Variants in CD58 observed in about 807,000 individuals in gnomAD.
CD58 encodes lymphocyte function-associated antigen 3.
In CD58, 14 loss-of-function variants were observed where a neutral mutation model predicts 27.6. The ratio of observed to expected loss-of-function variants is 0.51; its 90% CI spans 0.34 to 0.79. The LOEUF (loss-of-function observed/expected upper bound fraction) is 0.79. Among genes scored for constraint, CD58 ranks in the 30% least tolerant of loss-of-function variants. The probability of loss-of-function intolerance (pLI) is 0.02; values close to 1 mark genes in which losing one functional copy is unlikely to be tolerated. For missense variants in CD58, 268 were observed against 301.7 expected (o/e 0.89, Z 0.83); for synonymous variants, 117 against 103.8 (o/e 1.13, Z -0.77).
Position 116,534,810 on chromosome 1 carries a change from T to C in CD58, c.628+1155A>G, listed in dbSNP as rs1190289497. On this transcript the variant is annotated intron_variant, in intron 3 of 5. Coordinates refer to ENST00000369489, the MANE Select transcript of CD58 (RefSeq NM_001779.3). This position sits in a 1 kb window ranked among gnomAD's most constrained non-coding sequence, Gnocchi z 5.3. ...AAGACAATAAATGGGAGACTTAGAA[T>C]GGCTCACCAGTTAAAATCCAAGTTT... is the stretch of plus-strand genomic sequence containing the variant. Among the ~76,000 whole-genome samples the C allele has an allele frequency of 6.6e-6, 1 of 152,262 alleles. No individual in the cohort carries two copies. Among genetic ancestry groups the C allele is most frequent in the Non-Finnish European group, 1.5e-5 (1 of 68,038 alleles).
intron 2 of CD58, among the ~76,000 whole-genome samples, chr1:116,539,995 C>T (rs181934658): frequency 4.6e-5 from 7 of 152,210 alleles, no homozygotes; most frequent in Admixed American, 6.5e-5. Context: ...TATATTTTCA[C>T]GAATTTTAGT....
At chr1:116,569,742 T>C (rs75652920) in intron 1 of CD58, among the ~76,000 whole-genome samples, 2 of 151,712 alleles carry the variant, frequency 1.3e-5, no homozygotes, top group African/African-American at 4.8e-5. Flanking sequence ...GCTGGGACTA[T>C]AGGTATGCGC....
In CD58 at chr1:116,534,225, A is replaced by C; in HGVS notation, c.628+1740T>G. On this transcript the variant is annotated intron_variant, in intron 3 of 5. Transcript: ENST00000369489. This position sits in a 1 kb window ranked among gnomAD's most constrained non-coding sequence, Gnocchi z 5.3. ...GCACAGCTCCCAACAGCTGAGATGC[A>C]ATGCCAAGGACTTTCTTCCCCATCA... is the stretch of plus-strand genomic sequence containing the variant. 1 of 522,800 alleles carries C rather than the reference A, an allele frequency of 1.9e-6. No homozygotes were observed. The highest frequency in any genetic ancestry group is 3.4e-6 in the Non-Finnish European group (1 of 290,910). 32.4% of individuals were successfully genotyped at this position (522,800 alleles called of 1,614,324 possible).
intron 1 of CD58, among the ~76,000 whole-genome samples, chr1:116,547,662 A>G (rs1658235335): frequency 6.6e-6 from 1 of 152,152 alleles, no homozygotes; most frequent in African/African-American, 2.4e-5. Flanking sequence ...ATTCATATAT[A>G]TATATATCTC....
At chr1:116,566,820 A>G (rs1352617633) in intron 1 of CD58, among the ~76,000 whole-genome samples, 3 of 152,116 alleles carry the variant, frequency 2.0e-5, no homozygotes, top group Non-Finnish European at 2.9e-5. Context: ...TGAACAATGT[A>G]AACTAATAAA....
chr1:116,550,356 C>T lies in CD58; in HGVS notation c.71-5752G>A, dbSNP rs1366018188. On this transcript the variant is annotated intron_variant, in intron 1 of 5. Coordinates refer to ENST00000369489, the MANE Select transcript of CD58 (RefSeq NM_001779.3). The surrounding 1 kb of genome is among the most constrained non-coding windows in gnomAD (Gnocchi z 4.2). ...CTAAATTTATGTAATACTCTTAACCCTTTGTTGTCATTTAAACAATGTTCA... is the reference window on the plus strand; with the variant it reads ...CTAAATTTATGTAATACTCTTAACCTTTTGTTGTCATTTAAACAATGTTCA... Among the ~76,000 whole-genome samples, 1 of 152,176 alleles carries T rather than the reference C, an allele frequency of 6.6e-6. No homozygotes were observed. The highest frequency in any genetic ancestry group is 1.5e-5 in the Non-Finnish European group (1 of 68,032).
intron 2 of CD58, among the ~76,000 whole-genome samples, chr1:116,543,693 C>T (rs977153571): frequency 1.3e-5 from 2 of 151,898 alleles, no homozygotes; most frequent in African/African-American, 4.8e-5. Flanking sequence ...GAGGCTGAGG[C>T]GGGTGGATCA....
Position 116,522,053 on chromosome 1 carries a change from T to C in CD58, c.629-70A>G. The stretch of plus-strand genomic sequence containing the variant: ...AAAATGGATCCTCATTATTTGCAGA[T>C]TCCACCTTGCGGTTTGCTTATTTAC... On this transcript the variant is annotated intron_variant, in intron 3 of 5. Transcript: ENST00000369489. This position sits in a 1 kb window ranked among gnomAD's most constrained non-coding sequence, Gnocchi z 4.6. 1 of 810,104 alleles carries C rather than the reference T, an allele frequency of 1.2e-6. No homozygotes were observed. Among genetic ancestry groups the C allele is most frequent in the Non-Finnish European group, 2.0e-6 (1 of 495,024 alleles). 50.2% of individuals were successfully genotyped at this position (810,104 alleles called of 1,614,324 possible). A position where few individuals can be genotyped will look rare whatever the true frequency, so the allele number is the denominator to read the frequency against.
chr1:116,540,945 G>A (rs1170923999), intron 2 of CD58, among the ~76,000 whole-genome samples: 1 of 152,110 alleles, frequency 6.6e-6, no homozygotes, highest in Admixed American at 6.5e-5. Context: ...GAGTAGCTGG[G>A]ACTACAGGCA....
intron 3 of CD58, among the ~76,000 whole-genome samples, chr1:116,530,451 C>T (rs1464010420): frequency 4.6e-5 from 7 of 152,098 alleles, no homozygotes; most frequent in East Asian, 3.9e-4. Context: ...GTGATCCACC[C>T]GCCTCAGCCT....
intron 1 of CD58, among the ~76,000 whole-genome samples, chr1:116,551,688 A>C (rs1218399627): frequency 1.3e-5 from 2 of 149,092 alleles, no homozygotes; most frequent in African/African-American, 4.9e-5. Flanking sequence ...ACTCTTTGGC[A>C]TAAAAGGCCT....
Position 116,527,038 on chromosome 1 carries a change from A to ATG in CD58, c.629-5057_629-5056dup, listed in dbSNP as rs1657452987. The stretch of plus-strand genomic sequence containing the variant: ...TGTATATTAACTTTGTATCCTACAA[A>ATG]TGTGCTATAGTTTTTTATTAGTTCC... On this transcript the variant is annotated intron_variant, in intron 3 of 5. Coordinates refer to ENST00000369489, the MANE Select transcript of CD58 (RefSeq NM_001779.3). The surrounding 1 kb of genome is among the most constrained non-coding windows in gnomAD (Gnocchi z 4.4). 6.6e-6 allele frequency among the ~76,000 whole-genome samples: 1 copy of ATG among 152,108 alleles called. No individual in the cohort carries two copies. The highest frequency in any genetic ancestry group is 2.4e-5 in the African/African-American group (1 of 41,396).
intron 1 of CD58, among the ~76,000 whole-genome samples, chr1:116,556,750 C>T (rs912349492): frequency 1.3e-5 from 2 of 152,130 alleles, no homozygotes; most frequent in African/African-American, 4.8e-5. Flanking sequence ...ACGCATTAGA[C>T]GAAGACCAGC....
chr1:116,563,567 AG>A lies in CD58; in HGVS notation c.70+7335del, dbSNP rs1386761545. 1.3e-5 allele frequency among the ~76,000 whole-genome samples: 2 copies of A among 152,172 alleles called. No individual in the cohort carries two copies. Among genetic ancestry groups the A allele is most frequent in the Non-Finnish European group, 2.9e-5 (2 of 68,012 alleles). ...CATTTCCATACATCCTCTGAAATCTAGGCAGAGGTTCTCAAACCTCAATTCT... is the reference window on the plus strand; with the variant it reads ...CATTTCCATACATCCTCTGAAATCTAGCAGAGGTTCTCAAACCTCAATTCT... On this transcript the variant is annotated intron_variant, in intron 1 of 5. Coordinates refer to ENST00000369489, the MANE Select transcript of CD58 (RefSeq NM_001779.3). The surrounding 1 kb of genome is among the most constrained non-coding windows in gnomAD (Gnocchi z 4.1).
chr1:116,533,783 C>G (rs1368750859), intron 3 of CD58: 14 of 728,800 alleles, frequency 1.9e-5, no homozygotes, highest in African/African-American at 5.2e-5. Flanking sequence ...CTTCTCTCGT[C>G]AAAGAGAGGC....
rs1657474472 is a variant in CD58 at position 116,527,791 on chromosome 1, A to G, written c.629-5808T>C. On this transcript the variant is annotated intron_variant, in intron 3 of 5. Coordinates refer to ENST00000369489, the MANE Select transcript of CD58 (RefSeq NM_001779.3). This position sits in a 1 kb window ranked among gnomAD's most constrained non-coding sequence, Gnocchi z 4.4. ...TCTGGTAGAATTCACCAATGAACCCATCTGAACCTGGTGCTTTCTGTTTTG... is the reference window on the plus strand; with the variant it reads ...TCTGGTAGAATTCACCAATGAACCCGTCTGAACCTGGTGCTTTCTGTTTTG... Among the ~76,000 whole-genome samples, 1 of 152,214 alleles carries G rather than the reference A, an allele frequency of 6.6e-6. No homozygotes were observed. Among genetic ancestry groups the G allele is most frequent in the Admixed American group, 6.5e-5 (1 of 15,282 alleles).
chr1:116,561,826 T>G (rs186472593), intron 1 of CD58, among the ~76,000 whole-genome samples: 40 of 152,368 alleles, frequency 2.6e-4, no homozygotes, highest in South Asian at 6.2e-4. Flanking sequence ...TTTGTTCTCC[T>G]ATTAAATGTT....
chr1:116,551,554 A>G (rs578238755), intron 1 of CD58, among the ~76,000 whole-genome samples: 1 of 152,266 alleles, frequency 6.6e-6, no homozygotes, highest in Admixed American at 6.5e-5. Context: ...TTGATCTTCT[A>G]TGCAGACTAC....
At chr1:116,566,233 C>T (rs1216080427) in intron 1 of CD58, among the ~76,000 whole-genome samples, 1 of 152,074 alleles carries the variant, frequency 6.6e-6, no homozygotes, top group African/African-American at 2.4e-5. Flanking sequence ...ATTGGTATAG[C>T]AACTGTAAAA....
Sources: gnomAD v4.1 joint callset for allele counts (sites outside exome capture counted in the v4.1 genomes callset) on GRCh38, gnomAD v4.1.1 for gene constraint, Gnocchi (gnomAD v3.1) non-coding constraint, MANE v1.5 for transcripts, NCBI Gene and HGNC (gene_info 2026-07-23, HGNC 2026-07-21) for gene names.